Variants in ZNF804B observed in about 807,000 individuals in gnomAD.
ZNF804B encodes zinc finger protein 804B.
Under a neutral mutation model 101.4 loss-of-function variants are expected in ZNF804B, and 80 were observed. The observed-to-expected ratio is 0.79, with a 90% CI of 0.66 to 0.95. ZNF804B has a LOEUF of 0.95. ZNF804B is among the 40% of genes least tolerant of loss of function. The pLI is 0.00. For missense variants in ZNF804B, 1,673 were observed against 1,561.9 expected, an observed-to-expected ratio of 1.07 and a Z score of -1.20; for synonymous variants, 622 against 558.8, an observed-to-expected ratio of 1.11 and a Z score of -1.59.
intron 1 of ZNF804B, among the ~76,000 whole-genome samples, chr7:89,214,262 C>T (rs1788851373): frequency 6.6e-6 from 1 of 152,064 alleles, no homozygotes; most frequent in African/African-American, 2.4e-5. Context: ...GAGTGATTAA[C>T]AAGAAGCTTT....
At chr7:89,145,141 A>C (rs1584013576) in intron 1 of ZNF804B, among the ~76,000 whole-genome samples, 1 of 152,100 alleles carries the variant, frequency 6.6e-6, no homozygotes, top group South Asian at 2.1e-4. Flanking sequence ...AAACGAAAAT[A>C]AATGATATAA....
At chr7:89,279,206 C>A (rs971862423) in intron 2 of ZNF804B, among the ~76,000 whole-genome samples, 2 of 151,980 alleles carry the variant, frequency 1.3e-5, no homozygotes, top group African/African-American at 4.8e-5. Context: ...GATTTTGTAT[C>A]CTGAGACTTT....
intron 1 of ZNF804B, among the ~76,000 whole-genome samples, chr7:89,030,519 G>C (rs1788813457): frequency 6.6e-6 from 1 of 152,086 alleles, no homozygotes; most frequent in African/African-American, 2.4e-5. Context: ...TTAGCCTCAT[G>C]ACTTTCCATT....
At chr7:88,788,667 G>A (rs1205259896) in intron 1 of ZNF804B, among the ~76,000 whole-genome samples, 2 of 152,108 alleles carry the variant, frequency 1.3e-5, no homozygotes, top group Non-Finnish European at 2.9e-5. Flanking sequence ...GTGTAGGCAG[G>A]AATGCAAACA....
intron 1 of ZNF804B, among the ~76,000 whole-genome samples, chr7:88,971,261 A>C (rs775705211): frequency 1.1e-4 from 16 of 151,686 alleles, no homozygotes; most frequent in Non-Finnish European, 1.8e-4. Context: ...CATTGGTTTG[A>C]AGGTCATTGC....
intron 2 of ZNF804B, among the ~76,000 whole-genome samples, chr7:89,295,739 T>A (rs142645736): frequency 3.9e-5 from 6 of 152,198 alleles, no homozygotes; most frequent in Non-Finnish European, 7.4e-5. Context: ...GCCCCTTTAA[T>A]GTGAAGTCAA....
chr7:89,001,339 C>CT (rs945363016), intron 1 of ZNF804B, among the ~76,000 whole-genome samples: 1 of 150,252 alleles, frequency 6.7e-6, no homozygotes, highest in African/African-American at 2.4e-5. Context: ...TGAATATATT[C>CT]TTTTTTTTCC....
In ZNF804B at chr7:88,775,526, G is replaced by A. The variant is rs1359563074; in HGVS notation, c.108+15442G>A. Among the ~76,000 whole-genome samples, 5 of 152,188 alleles carry A rather than the reference G, an allele frequency of 3.3e-5. No individual in the cohort carries two copies. In the East Asian group the frequency reaches 5.8e-4, roughly 18 times the overall value. The stretch of plus-strand genomic sequence containing the variant: ...CTACTTCTTCTCAGTCATGCCAAAT[G>A]AGATAGGTAACCATGACTTTTTTGT... On this transcript the variant is annotated intron_variant, in intron 1 of 3. Transcript: ENST00000333190.
intron 1 of ZNF804B, among the ~76,000 whole-genome samples, chr7:88,817,827 CT>C (rs1476682821): frequency 2.0e-5 from 3 of 152,164 alleles, no homozygotes; most frequent in African/African-American, 7.2e-5. Flanking sequence ...ATTTCCCCCC[CT>C]GAACTGAACT....
intron 2 of ZNF804B, among the ~76,000 whole-genome samples, chr7:89,225,975 A>G (rs1429942631): frequency 6.6e-6 from 1 of 152,164 alleles, no homozygotes; most frequent in Non-Finnish European, 1.5e-5. Flanking sequence ...TCTTTATAAC[A>G]ATGACAATGA....
At chr7:88,853,351 A>G (rs1791473417) in intron 1 of ZNF804B, among the ~76,000 whole-genome samples, 1 of 152,086 alleles carries the variant, frequency 6.6e-6, no homozygotes, top group South Asian at 2.1e-4. Flanking sequence ...AGAAATATGT[A>G]AAGGATTTAT....
rs1792234174 is a variant in ZNF804B, at chr7:88,892,920, G to A, written c.108+132836G>A. Among the ~76,000 whole-genome samples, 3 of 152,086 alleles carry A rather than the reference G, an allele frequency of 2.0e-5. No homozygotes were observed. The South Asian group carries it at 6.2e-4, about 32-fold the overall frequency. On this transcript the variant is annotated intron_variant, in intron 1 of 3. Transcript: ENST00000333190. ...AAACTTGTTTAAATGTTGAATTATG[G>A]TCAGAAGTTCTTAGAGGAAACTTTT...
intron 1 of ZNF804B, among the ~76,000 whole-genome samples, chr7:88,956,999 C>A (rs1330189362): frequency 6.6e-6 from 1 of 151,470 alleles, no homozygotes; most frequent in Non-Finnish European, 1.5e-5. Context: ...TTCTGACAAT[C>A]TGTCTCTTAT....
intron 1 of ZNF804B, among the ~76,000 whole-genome samples, chr7:89,103,138 C>T (rs1338213702): frequency 1.6e-5 from 2 of 124,716 alleles, no homozygotes; most frequent in Admixed American, 2.0e-4. Context: ...TGAAATCAGG[C>T]AATGCAATGT....
At chr7:89,146,665 A>G (rs1296174005) in intron 1 of ZNF804B, among the ~76,000 whole-genome samples, 3 of 152,044 alleles carry the variant, frequency 2.0e-5, no homozygotes, top group Admixed American at 2.0e-4. Context: ...ATAGAACTGT[A>G]TTCTGTGGCT....
chr7:89,025,081 A>C (rs1409846451), intron 1 of ZNF804B, among the ~76,000 whole-genome samples: 1 of 152,116 alleles, frequency 6.6e-6, no homozygotes, highest in Non-Finnish European at 1.5e-5. Flanking sequence ...TTTCTTTTCA[A>C]AGCTTACTAT....
intron 2 of ZNF804B, among the ~76,000 whole-genome samples, chr7:89,249,149 C>T (rs926199712): frequency 1.3e-5 from 2 of 151,424 alleles, no homozygotes; most frequent in Admixed American, 6.6e-5. Flanking sequence ...ATTCATAAAA[C>T]AAGTACTTCT....
At chr7:88,967,464 T>G (rs1793472522) in intron 1 of ZNF804B, among the ~76,000 whole-genome samples, 1 of 151,464 alleles carries the variant, frequency 6.6e-6, no homozygotes, top group South Asian at 2.1e-4. Flanking sequence ...GATGTGAGAT[T>G]TGGGTGGGGA....
chr7:89,251,968 A>G (rs13222825), intron 2 of ZNF804B, among the ~76,000 whole-genome samples: 18,601 of 152,230 alleles, frequency 0.12, 1,226 homozygotes, highest in Middle Eastern at 0.25. Context: ...AAGAGAACCT[A>G]AGAAATGGCA....
Sources: gnomAD v4.1 joint callset for allele counts (sites outside exome capture counted in the v4.1 genomes callset) on GRCh38, gnomAD v4.1.1 for gene constraint, MANE v1.5 for transcripts, NCBI Gene and HGNC (gene_info 2026-07-23, HGNC 2026-07-21) for gene names.